Variants in CSMD3 observed in about 807,000 individuals in gnomAD.
CSMD3 encodes CUB and Sushi multiple domains 3, also known as CUB and sushi domain-containing protein 3.
In CSMD3, 177 loss-of-function variants were observed where a neutral mutation model predicts 435.2. The observed-to-expected ratio is 0.41, with a 90% CI of 0.36 to 0.46. The LOEUF is 0.46. Among genes scored for constraint, CSMD3 ranks in the 20% least tolerant of loss-of-function variants. CSMD3 has a pLI of 0.34. For synonymous variants in CSMD3, 1,656 were observed against 1,520.5 expected, an observed-to-expected ratio of 1.09 and a Z score of -2.07; for missense variants, 4,265 against 4,504.6, an observed-to-expected ratio of 0.95 and a Z score of 1.52.
chr8:113,135,388 T>G, intron 4 of CSMD3, among the ~76,000 whole-genome samples: 1 of 151,888 alleles, frequency 6.6e-6, no homozygotes, highest in Non-Finnish European at 1.5e-5. Flanking sequence ...CTCCAGTTGT[T>G]CCTTTAGCCT....
chr8:112,956,238 C>G (rs887155547), intron 7 of CSMD3, among the ~76,000 whole-genome samples: 5 of 151,898 alleles, frequency 3.3e-5, no homozygotes, highest in Non-Finnish European at 4.4e-5. Context: ...AACTGTGAAT[C>G]CTTATTCATG....
Position 112,957,799 on chromosome 8 carries a change from G to C in CSMD3, c.1343-3038C>G, listed in dbSNP as rs189479503. On this transcript the variant is annotated intron_variant, in intron 7 of 70. Coordinates refer to ENST00000297405, the MANE Select transcript of CSMD3 (RefSeq NM_198123.2). The stretch of plus-strand genomic sequence containing the variant: ...CTCGCTCAGTCGCCCAGGCTGGAGA[G>C]CAGTGGCGTGATCTCGGCTCACTGC... Among the ~76,000 whole-genome samples, 1,021 of 152,248 alleles carry C rather than the reference G, an allele frequency of 6.7e-3. 13 individuals are homozygous for C. The highest frequency in any genetic ancestry group is 0.024 in the African/African-American group (979 of 41,554).
chr8:112,718,515 G>GTATATATATA (rs35810260), intron 13 of CSMD3, among the ~76,000 whole-genome samples: 42 of 140,468 alleles, frequency 3.0e-4, no homozygotes, highest in African/African-American at 1.0e-3. Flanking sequence ...GTATATATAT[G>GTATATATATA]TATATATATA....
intron 36 of CSMD3, among the ~76,000 whole-genome samples, chr8:112,386,910 A>G (rs1290872922): frequency 2.0e-5 from 3 of 152,230 alleles, no homozygotes; most frequent in African/African-American, 2.4e-5. Flanking sequence ...TGAATTTCCA[A>G]TCATTAAAAC....
intron 1 of CSMD3, among the ~76,000 whole-genome samples, chr8:113,355,794 T>TG (rs67377262): frequency 0.71 from 87,231 of 122,170 alleles, 32,479 homozygotes; most frequent in East Asian, 0.91. Context: ...TGTGTGTGTG[T>TG]TTGTCAACTA....
At chr8:113,145,202 G>A (rs776989882) in intron 4 of CSMD3, among the ~76,000 whole-genome samples, 1 of 151,512 alleles carries the variant, frequency 6.6e-6, no homozygotes, top group Non-Finnish European at 1.5e-5. Flanking sequence ...AGGATCTGCA[G>A]ACCATGTAGA....
chr8:112,532,810 C>T (rs183859610), intron 27 of CSMD3, among the ~76,000 whole-genome samples: 346 of 152,120 alleles, frequency 2.3e-3, no homozygotes, highest in Admixed American at 4.5e-3. Context: ...TATTCTAATA[C>T]TGTAATTGTG....
At chr8:112,797,988 T>C (rs956235846) in intron 13 of CSMD3, among the ~76,000 whole-genome samples, 1 of 151,886 alleles carries the variant, frequency 6.6e-6, no homozygotes, top group Non-Finnish European at 1.5e-5. Context: ...AATGATGGCA[T>C]GGATATTGCT....
intron 3 of CSMD3, among the ~76,000 whole-genome samples, chr8:113,261,750 T>C (rs750699173): frequency 2.6e-5 from 4 of 152,138 alleles, no homozygotes; most frequent in Non-Finnish European, 5.9e-5. Context: ...TAGAATATTG[T>C]TCCTTTTGAC....
intron 22 of CSMD3, among the ~76,000 whole-genome samples, chr8:112,629,254 T>C (rs907539380): frequency 8.5e-5 from 13 of 152,066 alleles, no homozygotes; most frequent in South Asian, 4.2e-4. Flanking sequence ...CAGGCTGGAG[T>C]GTGGTGGCAC....
intron 32 of CSMD3, among the ~76,000 whole-genome samples, chr8:112,466,741 T>C (rs201147629): frequency 3.9e-5 from 6 of 152,152 alleles, no homozygotes; most frequent in African/African-American, 1.4e-4. Context: ...AGATGTGATA[T>C]TGCAAAAACA....
chr8:113,399,594 A>C (rs1251289053), intron 1 of CSMD3, among the ~76,000 whole-genome samples: 1 of 152,028 alleles, frequency 6.6e-6, no homozygotes, highest in African/African-American at 2.4e-5. Flanking sequence ...CAGAATAGAC[A>C]ACATATAGAG....
intron 1 of CSMD3, among the ~76,000 whole-genome samples, chr8:113,384,338 CT>C (rs2094430521): frequency 6.6e-6 from 1 of 152,134 alleles, no homozygotes; most frequent in East Asian, 1.9e-4. Flanking sequence ...AGAGAAAGCA[CT>C]ATTCATTATT....
chr8:112,845,761 G>A (rs1047040281), intron 11 of CSMD3, among the ~76,000 whole-genome samples: 1 of 152,052 alleles, frequency 6.6e-6, no homozygotes, highest in Non-Finnish European at 1.5e-5. Context: ...TAATCCAAAG[G>A]AGAATAATGG....
At chr8:113,272,569 G>A (rs1249715550) in intron 3 of CSMD3, among the ~76,000 whole-genome samples, 1 of 152,154 alleles carries the variant, frequency 6.6e-6, no homozygotes, top group Non-Finnish European at 1.5e-5. Context: ...CACCATGTAA[G>A]AAATGTGTTT....
At chr8:112,287,996 T>C (rs1563741227) in intron 57 of CSMD3, among the ~76,000 whole-genome samples, 4 of 149,998 alleles carry the variant, frequency 2.7e-5, no homozygotes, top group South Asian at 2.1e-4. Context: ...ATAGTGTTAA[T>C]ATACATTGAG....
chr8:112,555,578 T>A (rs547415947), intron 25 of CSMD3, among the ~76,000 whole-genome samples: 1 of 152,130 alleles, frequency 6.6e-6, no homozygotes, highest in East Asian at 1.9e-4. Flanking sequence ...TCAGATGCCG[T>A]CTGAAAAGTA....
rs974111933 is a variant in CSMD3 at position 112,924,318 on chromosome 8, T to C, written c.1509-2567A>G. Among the ~76,000 whole-genome samples the C allele has an allele frequency of 6.6e-5, 10 of 152,230 alleles. No individual in the cohort carries two copies. In the East Asian group the frequency reaches 1.4e-3, roughly 21 times the overall value. The stretch of plus-strand genomic sequence containing the variant: ...ATGATGGCAACAAGTATTAGAAAAG[T>C]AGTAGCTACAAGCTAATGATGGTAA... On this transcript the variant is annotated intron_variant, in intron 9 of 70. Transcript: ENST00000297405.
chr8:112,759,354 T>C lies in CSMD3; in HGVS notation c.1972+40808A>G, dbSNP rs544614017. The stretch of plus-strand genomic sequence containing the variant: ...ATATTATCATCATAAATAATTATAA[T>C]ATGCTTCAAAAATTCTCTATTAGTG... On this transcript the variant is annotated intron_variant, in intron 13 of 70. Coordinates refer to ENST00000297405, the MANE Select transcript of CSMD3 (RefSeq NM_198123.2). 4.3e-4 allele frequency among the ~76,000 whole-genome samples: 66 copies of C among 152,248 alleles called. No homozygotes were observed. The East Asian group carries it at 9.1e-3, about 21-fold the overall frequency.
Sources: gnomAD v4.1 joint callset for allele counts (sites outside exome capture counted in the v4.1 genomes callset) on GRCh38, gnomAD v4.1.1 for gene constraint, MANE v1.5 for transcripts, NCBI Gene and HGNC (gene_info 2026-07-23, HGNC 2026-07-21) for gene names.